The following RIC1 variants were observed in gnomAD, a reference collection of about 807,000 sequenced individuals.
RIC1 encodes the protein RIC1 partner of RAB6A GEF complex, also known as guanine nucleotide exchange factor subunit RIC1.
A neutral mutation model predicts 169.0 loss-of-function variants in RIC1; 88 were observed. That is an observed-to-expected ratio of 0.52 (90% CI 0.44 to 0.62). RIC1 has a LOEUF of 0.62. Among genes scored for constraint, RIC1 ranks in the 20% least tolerant of loss-of-function variants. RIC1 has a pLI of 0.00. For missense variants in RIC1, 1,877 were observed against 1,725.5 expected (o/e 1.09, Z -1.56); for synonymous variants, 790 against 601.5 (o/e 1.31, Z -4.59).
chr9:5,701,839 C>G (rs1299167632), intron 3 of RIC1, among the ~76,000 whole-genome samples: 2 of 152,128 alleles, frequency 1.3e-5, no homozygotes, highest in East Asian at 3.8e-4. Flanking sequence ...TTCTCAAGCA[C>G]ATGACTGGGA....
At chr9:5,667,137 G>T (rs10975223) in intron 2 of RIC1, among the ~76,000 whole-genome samples, 1 of 151,432 alleles carries the variant, frequency 6.6e-6, no homozygotes, top group Non-Finnish European at 1.5e-5. Context: ...GGAGCCTGGG[G>T]GACATAGCAT....
rs776830389 is a variant in RIC1, at chr9:5,747,339, G to A, written c.1286G>A (p.Arg429His). ...CAGGTGTTGCTTCAGGGTGAGGATC[G>A]CTTGTACTTGAACTGTGGAGAGGCT... ...QEQVLLQGED[R>H]LYLNCGEASQ... Residue 429 changes from arginine (R) to histidine (H), a missense_variant, in exon 12 of 26, where the codon CGC becomes CAC. By Grantham distance (29) the Arg-to-His change is conservative (BLOSUM62 0). This residue lies in a region of RIC1 where 1,104 missense variants were observed against 992.0 expected (regional missense o/e 1.11). Coordinates refer to ENST00000414202, the MANE Select transcript of RIC1 (RefSeq NM_020829.4). 38 of 1,613,856 alleles carry A rather than the reference G, an allele frequency of 2.4e-5. No homozygotes were observed. The highest frequency in any genetic ancestry group is 2.3e-4 in the Admixed American group (14 of 59,992).
intron 19 of RIC1, among the ~76,000 whole-genome samples, 175 bp downstream of exon 19, chr9:5,764,043 T>C (rs1220035288): frequency 1.3e-5 from 2 of 152,200 alleles, no homozygotes; most frequent in African/African-American, 2.4e-5. Context: ...TAAAGTAACA[T>C]TGCAGAGATA....
At chr9:5,670,603 A>G (rs1223082113) in intron 2 of RIC1, among the ~76,000 whole-genome samples, 1 of 152,144 alleles carries the variant, frequency 6.6e-6, no homozygotes, top group African/African-American at 2.4e-5. Flanking sequence ...GAGTCATTTC[A>G]TTTTTATATA....
intron 2 of RIC1, among the ~76,000 whole-genome samples, chr9:5,683,299 G>C (rs1395150647): frequency 6.6e-6 from 1 of 152,152 alleles, no homozygotes; most frequent in South Asian, 2.1e-4. Flanking sequence ...GGTCTTTGAT[G>C]ATGGTGACGT....
At chr9:5,733,835 T>C (rs148507866) in intron 7 of RIC1, among the ~76,000 whole-genome samples, 3 of 151,800 alleles carry the variant, frequency 2.0e-5, no homozygotes, top group African/African-American at 7.2e-5. Context: ...TTTTCCTCTT[T>C]ACTCTTCTGA....
At position 5,757,406 on chromosome 9, in the gene RIC1, A is replaced by G; in HGVS notation, c.1947A>G (p.Thr649=). 2 of 1,613,940 alleles carry G rather than the reference A, an allele frequency of 1.2e-6. No homozygotes were observed. The highest frequency in any genetic ancestry group is 1.7e-6 in the Non-Finnish European group (2 of 1,179,790). ...TCCTGGTGGTATCTGTCACTCTGAC[A>G]TCAGTGAGTACAGAGAATGGAATCA... The part of the protein sequence containing the change: ...HPFLVVSVTL[T]SVSTENGITL... The change falls in exon 17 of 26, where the codon ACA becomes ACG. Residue 649 remains threonine, a synonymous_variant. Transcript: ENST00000414202.
chr9:5,771,490 G>A (rs1283893640), intron 23 of RIC1, among the ~76,000 whole-genome samples: 1 of 152,116 alleles, frequency 6.6e-6, no homozygotes, highest in Non-Finnish European at 1.5e-5. Context: ...GTGAATGTGG[G>A]TATATAATAT....
chr9:5,690,681 A>G (rs1222583203), intron 3 of RIC1, among the ~76,000 whole-genome samples: 1 of 151,890 alleles, frequency 6.6e-6, no homozygotes, highest in Non-Finnish European at 1.5e-5. Flanking sequence ...TTAGAAAGAC[A>G]GATTTTACTG....
At chr9:5,637,988 T>C (rs1818058287) in intron 1 of RIC1, among the ~76,000 whole-genome samples, 2 of 152,348 alleles carry the variant, frequency 1.3e-5, no homozygotes, top group South Asian at 4.1e-4. Context: ...ATGGGTCTGT[T>C]ATATATGGCT....
chr9:5,665,339 C>T (rs1819690607), intron 2 of RIC1, among the ~76,000 whole-genome samples: 1 of 152,122 alleles, frequency 6.6e-6, no homozygotes, highest in African/African-American at 2.4e-5. Flanking sequence ...TTGGCACGTC[C>T]TGTATTGTTT....
At chr9:5,657,440 A>G (rs915349502) in intron 2 of RIC1, among the ~76,000 whole-genome samples, 1 of 152,158 alleles carries the variant, frequency 6.6e-6, no homozygotes, top group African/African-American at 2.4e-5. Flanking sequence ...ATCAGTTTAC[A>G]TGGATCATCC....
At chr9:5,705,294 C>T (rs1218905884) in intron 3 of RIC1, among the ~76,000 whole-genome samples, 1 of 149,392 alleles carries the variant, frequency 6.7e-6, no homozygotes, top group East Asian at 2.0e-4. Context: ...ATTAAATATT[C>T]CATTCATGAA....
intron 1 of RIC1, among the ~76,000 whole-genome samples, chr9:5,636,304 G>A (rs892600384): frequency 4.0e-5 from 6 of 151,896 alleles, no homozygotes; most frequent in Admixed American, 1.3e-4. Flanking sequence ...TACCATAAAT[G>A]GTATTGTTTT....
At chr9:5,761,212 C>G (rs1826316634) in intron 17 of RIC1, among the ~76,000 whole-genome samples, 1 of 142,956 alleles carries the variant, frequency 7.0e-6, no homozygotes, top group South Asian at 2.3e-4. Context: ...CTCCCGGGTT[C>G]AAGTGATTCT....
At chr9:5,764,473 A>C (rs1826556085) in intron 19 of RIC1, among the ~76,000 whole-genome samples, 1 of 152,234 alleles carries the variant, frequency 6.6e-6, no homozygotes, top group Non-Finnish European at 1.5e-5. Flanking sequence ...GCTATTTGAC[A>C]AAAGGGCTTG....
intron 2 of RIC1, among the ~76,000 whole-genome samples, chr9:5,689,337 C>A (rs901758143): frequency 1.3e-5 from 2 of 152,070 alleles, no homozygotes; most frequent in Non-Finnish European, 2.9e-5. Context: ...AGGTGTGAGC[C>A]ACCGCGCCCG....
intron 6 of RIC1, among the ~76,000 whole-genome samples, chr9:5,729,810 T>C (rs1183903147): frequency 6.6e-6 from 1 of 151,678 alleles, no homozygotes; most frequent in Non-Finnish European, 1.5e-5. Flanking sequence ...AGAACATAAA[T>C]AAGAATAAAA....
At chr9:5,737,591 C>T (rs1207234641) in intron 7 of RIC1, among the ~76,000 whole-genome samples, 1 of 98,222 alleles carries the variant, frequency 1.0e-5, no homozygotes, top group African/African-American at 4.4e-5. Context: ...TATGCTTTTA[C>T]ACACACACAT....
Sources: allele counts gnomAD v4.1 joint callset (sites outside exome capture counted in the v4.1 genomes callset), GRCh38; gene constraint gnomAD v4.1.1; regional missense constraint gnomAD v4.1.1; transcripts MANE v1.5; gene names NCBI Gene and HGNC (gene_info 2026-07-23, HGNC 2026-07-21).